Variants in RBFOX1 observed in about 807,000 individuals in gnomAD.
RBFOX1 encodes RNA binding fox-1 homolog 1, also known as RNA binding protein fox-1 homolog 1.
RBFOX1 carries 8 observed loss-of-function variants against 57.7 expected under a neutral mutation model. The ratio of observed to expected loss-of-function variants is 0.14; its 90% CI spans 0.08 to 0.25. The LOEUF is 0.25. RBFOX1 is among the 10% of genes least tolerant of loss of function. The pLI is 1.00. For synonymous variants in RBFOX1, 326 were observed against 222.4 expected, an observed-to-expected ratio of 1.47 and a Z score of -4.15; for missense variants, 611 against 548.5, an observed-to-expected ratio of 1.11 and a Z score of -1.14.
chr16:6,324,181 C>A, intron 2 of RBFOX1, among the ~76,000 whole-genome samples: 1 of 116,494 alleles, frequency 8.6e-6, no homozygotes, highest in Non-Finnish European at 1.6e-5. Context: ...ATAGTTCATG[C>A]TCTGTGTTCA....
intron 3 of RBFOX1, among the ~76,000 whole-genome samples, chr16:6,908,433 TC>T: frequency 6.6e-6 from 1 of 152,148 alleles, no homozygotes. Context: ...CACTGATACC[TC>T]TGGCCTCTGG....
intron 3 of RBFOX1, among the ~76,000 whole-genome samples, chr16:6,863,534 TA>T (rs1295174611): frequency 6.6e-6 from 1 of 151,980 alleles, no homozygotes; most frequent in Non-Finnish European, 1.5e-5. Context: ...TAATTACAAT[TA>T]TTTTCTGGTT....
chr16:5,727,664 C>G (rs9932502), intron 3 of RBFOX1, among the ~76,000 whole-genome samples: 3 of 151,980 alleles, frequency 2.0e-5, no homozygotes, highest in African/African-American at 4.8e-5. Flanking sequence ...GACCACAGTT[C>G]TACTCTGTTT....
intron 11 of RBFOX1, among the ~76,000 whole-genome samples, chr16:7,652,046 A>G (rs890541658): frequency 1.3e-5 from 2 of 151,992 alleles, no homozygotes; most frequent in African/African-American, 4.8e-5. Flanking sequence ...TAGAGGAAAC[A>G]GTGTTGGTTA....
At chr16:7,101,942 T>G (rs188158688) in intron 4 of RBFOX1, among the ~76,000 whole-genome samples, 2 of 152,130 alleles carry the variant, frequency 1.3e-5, no homozygotes, top group African/African-American at 4.8e-5. Context: ...TGGTGCTCCT[T>G]TCACCAAGCC....
chr16:7,520,732 G>C (rs527609243), intron 5 of RBFOX1, among the ~76,000 whole-genome samples: 2 of 152,202 alleles, frequency 1.3e-5, no homozygotes, highest in East Asian at 1.9e-4. Context: ...TGACTACCAG[G>C]TAGTAGTGAT....
intron 1 of RBFOX1, among the ~76,000 whole-genome samples, chr16:6,237,562 T>C (rs1041598447): frequency 7.9e-5 from 12 of 152,086 alleles, no homozygotes; most frequent in South Asian, 6.2e-4. Context: ...GCCAAGATGG[T>C]GAAACCTCGT....
intron 2 of RBFOX1, among the ~76,000 whole-genome samples, chr16:6,349,514 C>G (rs2085932364): frequency 6.6e-6 from 1 of 152,130 alleles, no homozygotes; most frequent in Non-Finnish European, 1.5e-5. Context: ...AAAAGGATCC[C>G]TTTGAGAAAA....
chr16:5,739,617 GCAGA>G (rs2052704144), intron 3 of RBFOX1, among the ~76,000 whole-genome samples: 1 of 152,350 alleles, frequency 6.6e-6, no homozygotes, highest in South Asian at 2.1e-4. Flanking sequence ...GTATTTTGCA[GCAGA>G]CAGAGACGGA....
chr16:5,520,365 G>A (rs1314973638), intron 2 of RBFOX1, among the ~76,000 whole-genome samples: 1 of 152,190 alleles, frequency 6.6e-6, no homozygotes, highest in Non-Finnish European at 1.5e-5. Flanking sequence ...TACCTAACAA[G>A]CAATCAAGAG....
chr16:6,857,603 G>C (rs939212828), intron 3 of RBFOX1, among the ~76,000 whole-genome samples: 2 of 152,172 alleles, frequency 1.3e-5, no homozygotes, highest in African/African-American at 2.4e-5. Flanking sequence ...TCTTTGCCAA[G>C]AACATTATGT....
At chr16:7,082,041 C>G (rs1246596509) in intron 4 of RBFOX1, among the ~76,000 whole-genome samples, 3 of 152,300 alleles carry the variant, frequency 2.0e-5, no homozygotes, top group East Asian at 3.9e-4. Context: ...TTCCTCCCAT[C>G]CTCTCTGGTT....
chr16:5,985,227 C>T (rs962072275), intron 4 of RBFOX1, among the ~76,000 whole-genome samples: 3 of 151,488 alleles, frequency 2.0e-5, no homozygotes, highest in Non-Finnish European at 2.9e-5. Flanking sequence ...CTCCTGACCT[C>T]CTGATCCATC....
chr16:7,226,162 G>A (rs776198116), intron 4 of RBFOX1, among the ~76,000 whole-genome samples: 2 of 152,050 alleles, frequency 1.3e-5, no homozygotes, highest in African/African-American at 2.4e-5. Flanking sequence ...AATCATGAAA[G>A]GTAACATCCC....
Position 6,953,411 on chromosome 16 carries a change from G to C in RBFOX1, c.-15-98646G>C, listed in dbSNP as rs761087523. On this transcript the variant is annotated intron_variant, in intron 3 of 15. Coordinates refer to ENST00000550418, the MANE Select transcript of RBFOX1 (RefSeq NM_018723.4). ...GTTGTTATTGTTTTTTTTTGAGATA[G>C]AGTCTTGCTTTGTCGCCAATGCTGG... 3.3e-5 allele frequency among the ~76,000 whole-genome samples: 5 copies of C among 151,692 alleles called. No individual in the cohort carries two copies. In the East Asian group the frequency reaches 9.6e-4, roughly 29 times the overall value.
At chr16:5,856,280 TATATAC>T (rs1424770642) in intron 3 of RBFOX1, among the ~76,000 whole-genome samples, 5 of 28,520 alleles carry the variant, frequency 1.8e-4, no homozygotes, top group African/African-American at 5.4e-4. Flanking sequence ...TATACACATA[TATATAC>T]ACACACACAC....
chr16:7,134,813 C>T (rs2071463343), intron 4 of RBFOX1, among the ~76,000 whole-genome samples: 1 of 152,120 alleles, frequency 6.6e-6, no homozygotes, highest in Admixed American at 6.5e-5. Context: ...GAGTACATAG[C>T]ATGCAGATAA....
intron 4 of RBFOX1, among the ~76,000 whole-genome samples, chr16:5,949,562 C>A (rs112978636): frequency 6.7e-6 from 1 of 149,096 alleles, no homozygotes; most frequent in African/African-American, 2.5e-5. Context: ...AATACAGGAT[C>A]CAATTAAAGA....
chr16:6,080,492 C>T (rs1340762781), intron 1 of RBFOX1, among the ~76,000 whole-genome samples: 1 of 152,078 alleles, frequency 6.6e-6, no homozygotes, highest in African/African-American at 2.4e-5. Context: ...CTCAGGGAGC[C>T]TCAAGTCTGG....
Sources: allele counts gnomAD v4.1 joint callset (sites outside exome capture counted in the v4.1 genomes callset), GRCh38; gene constraint gnomAD v4.1.1; transcripts MANE v1.5; gene names NCBI Gene and HGNC (gene_info 2026-07-23, HGNC 2026-07-21).